Variants in SIPA1L3 observed in about 807,000 individuals in gnomAD.
The protein encoded by SIPA1L3 is signal induced proliferation associated 1 like 3, also known as signal-induced proliferation-associated 1-like protein 3.
SIPA1L3 carries 59 observed loss-of-function variants against 150.1 expected under a neutral mutation model. The observed-to-expected ratio is 0.39, with a 90% confidence interval of 0.32 to 0.49. The LOEUF is 0.49. SIPA1L3 is among the 20% of genes least tolerant of loss of function. The pLI, the probability that SIPA1L3 is intolerant of heterozygous loss-of-function variation, is 0.86. For synonymous variants in SIPA1L3, 1,070 were observed against 1,077.6 expected, an observed-to-expected ratio of 0.99 and a Z score of 0.14; for missense variants, 2,211 against 2,489.5, an observed-to-expected ratio of 0.89 and a Z score of 2.38.
rs557323351 is a variant in SIPA1L3 at position 37,953,299 on chromosome 19, C to T, written c.-379+45941C>T. Among the ~76,000 whole-genome samples, 52 of 152,296 alleles carry T rather than the reference C, an allele frequency of 3.4e-4. 1 individual carries two copies. The highest frequency in any genetic ancestry group is 3.4e-3 in the Middle Eastern group (1 of 294). On this transcript the variant is annotated intron_variant, in intron 1 of 21. Coordinates refer to ENST00000222345, the MANE Select transcript of SIPA1L3 (RefSeq NM_015073.3). ...CCAGCCTTGCACACTGGCCGCTAAACCTGGCGTATCGCATCATGTTTCAGG... is the reference window on the plus strand; with the variant it reads ...CCAGCCTTGCACACTGGCCGCTAAATCTGGCGTATCGCATCATGTTTCAGG...
intron 12 of SIPA1L3, among the ~76,000 whole-genome samples, chr19:38,151,924 T>C (rs1191510607): frequency 7.3e-6 from 1 of 137,528 alleles, no homozygotes; most frequent in Non-Finnish European, 1.5e-5. Flanking sequence ...ATTGTGCCAC[T>C]GCACTCCAGC....
In SIPA1L3 at chr19:38,206,248, G is replaced by GGCC. The variant is rs1179969366; in HGVS notation, c.*15_*17dup. 5.6e-5 allele frequency: 87 copies of GGCC among 1,543,344 alleles called. No homozygotes were observed. Among genetic ancestry groups the GGCC allele is most frequent in the Non-Finnish European group, 7.1e-5 (81 of 1,140,620 alleles). On this transcript the variant is annotated 3_prime_UTR_variant, in exon 22 of 22. Coordinates refer to ENST00000222345, the MANE Select transcript of SIPA1L3 (RefSeq NM_015073.3). ...GAGAAGAAGGAGCTCTGAGGTGGGA[G>GGCC]GCCGCCGCCCGCCTTCGCTCCTTCC...
chr19:38,100,873 G>A (rs1032817157), intron 5 of SIPA1L3, among the ~76,000 whole-genome samples, 179 bp from the exon 6 acceptor site: 1 of 152,238 alleles, frequency 6.6e-6, no homozygotes, highest in Non-Finnish European at 1.5e-5. Flanking sequence ...GGGAGGGGGA[G>A]GGACAACTGG....
intron 1 of SIPA1L3, among the ~76,000 whole-genome samples, chr19:38,003,871 C>G (rs1287726479): frequency 6.6e-6 from 1 of 152,164 alleles, no homozygotes; most frequent in Non-Finnish European, 1.5e-5. Flanking sequence ...GAAGTTGAGT[C>G]AAATCTCTTT....
intron 4 of SIPA1L3, among the ~76,000 whole-genome samples, chr19:38,098,722 A>T (rs185078788): frequency 7.2e-4 from 109 of 152,276 alleles, no homozygotes; most frequent in African/African-American, 2.4e-3. Context: ...AATTCTCCTC[A>T]TATCTCATTG....
intron 2 of SIPA1L3, among the ~76,000 whole-genome samples, chr19:38,071,261 CTA>C (rs1969717437): frequency 6.6e-6 from 1 of 151,748 alleles, no homozygotes; most frequent in Non-Finnish European, 1.5e-5. Flanking sequence ...ATCTATCTAT[CTA>C]TCTGCCTGCC....
chr19:37,956,792 A>C (rs2046815638), intron 1 of SIPA1L3, among the ~76,000 whole-genome samples: 1 of 152,026 alleles, frequency 6.6e-6, no homozygotes, highest in Admixed American at 6.6e-5. Context: ...CCTAATATAA[A>C]AGTTTTTAAT....
chr19:38,081,436 C>A lies in SIPA1L3; in HGVS notation c.-130C>A. On this transcript the variant is annotated 5_prime_UTR_variant, in exon 3 of 22. It adds an upstream start codon to the 5' untranslated region. Coordinates refer to ENST00000222345, the MANE Select transcript of SIPA1L3 (RefSeq NM_015073.3). ...TGGACTCCACAGGCTCACAACCTTC[C>A]TGTCAGGTTTCAGGGCCCAGCATCC... The A allele has an allele frequency of 1.2e-6, 1 of 835,440 alleles. No homozygotes were observed. Among genetic ancestry groups the A allele is most frequent in the Non-Finnish European group, 1.8e-6 (1 of 546,164 alleles). 51.8% of individuals were successfully genotyped at this position (835,440 alleles called of 1,614,324 possible).
At chr19:37,963,622 C>T (rs1226944546) in intron 1 of SIPA1L3, among the ~76,000 whole-genome samples, 3 of 152,208 alleles carry the variant, frequency 2.0e-5, no homozygotes, top group Non-Finnish European at 4.4e-5. Flanking sequence ...ACTTGAAGTT[C>T]AGCGTTTATT....
Position 38,182,651 on chromosome 19 carries a change from C to T in SIPA1L3, c.4341C>T (p.Ser1447=), listed in dbSNP as rs1972581285. The change falls in exon 16 of 22, where the codon TCC becomes TCT. Residue 1447 remains serine (S), a synonymous_variant. Transcript: ENST00000222345. ...LSASVPKSFF[S]KQPVRNKHPT... The stretch of plus-strand genomic sequence containing the variant: ...CCTCCGTCCCCAAGTCCTTCTTCTC[C>T]AAGCAGCCTGTACGCAATAAGCACC... The T allele has an allele frequency of 2.5e-6, 4 of 1,614,220 alleles. No homozygotes were observed. Among genetic ancestry groups the T allele is most frequent in the Non-Finnish European group, 3.4e-6 (4 of 1,180,028 alleles).
intron 8 of SIPA1L3, among the ~76,000 whole-genome samples, chr19:38,112,813 C>T (rs1970796372): frequency 6.6e-6 from 1 of 152,184 alleles, no homozygotes; most frequent in Non-Finnish European, 1.5e-5. Context: ...GACCCTGCCT[C>T]TACCCTGTGG....
intron 1 of SIPA1L3, among the ~76,000 whole-genome samples, chr19:37,961,737 T>C (rs2046860442): frequency 6.6e-6 from 1 of 152,140 alleles, no homozygotes; most frequent in African/African-American, 2.4e-5. Flanking sequence ...CTCATAGGAC[T>C]CCCATTATGT....
At chr19:38,126,391 A>G (rs1016390786) in intron 9 of SIPA1L3, among the ~76,000 whole-genome samples, 3 of 152,206 alleles carry the variant, frequency 2.0e-5, no homozygotes, top group African/African-American at 4.8e-5. Flanking sequence ...AGCTTGTCCA[A>G]CCTGCAGCCC....
intron 1 of SIPA1L3, among the ~76,000 whole-genome samples, chr19:37,969,152 T>C (rs2085098240): frequency 6.6e-6 from 1 of 151,852 alleles, no homozygotes; most frequent in Non-Finnish European, 1.5e-5. Context: ...GAGGATCACT[T>C]GAGCTAGCTG....
chr19:38,114,795 G>T (rs1057445307), intron 8 of SIPA1L3, among the ~76,000 whole-genome samples: 5 of 152,224 alleles, frequency 3.3e-5, no homozygotes, highest in African/African-American at 1.2e-4. Context: ...GGGCATGAAG[G>T]ATCACTAGCC....
chr19:38,164,714 G>A lies in SIPA1L3; in HGVS notation c.4016G>A (p.Gly1339Glu), dbSNP rs776703267. The A allele has an allele frequency of 2.5e-6, 4 of 1,614,088 alleles. No individual in the cohort carries two copies. In the East Asian group the frequency reaches 8.9e-5, roughly 36 times the overall value. ...PRPAKPHKPP[G>E]SMGLCGGGRE... ...CCCGCCAAGCCACACAAGCCCCCTG[G>A]AAGTATGGGCCTTTGTGGCGGGGGT... The change falls in exon 15 of 22, where the codon GGA becomes GAA. Residue 1339 changes from glycine (G) to glutamate (E), a missense_variant. Gly to Glu is a moderately conservative substitution (Grantham distance 98). Transcript: ENST00000222345. This position sits in a 1 kb window ranked among gnomAD's most constrained non-coding sequence, Gnocchi z 4.1.
chr19:38,179,921 C>A (rs1436485368), intron 15 of SIPA1L3, among the ~76,000 whole-genome samples: 1 of 152,110 alleles, frequency 6.6e-6, no homozygotes, highest in Admixed American at 6.6e-5. Context: ...CAGCTCACTG[C>A]AACCTCTGCC....
intron 1 of SIPA1L3, among the ~76,000 whole-genome samples, chr19:37,914,138 G>T (rs1441215929): frequency 6.6e-6 from 1 of 152,060 alleles, no homozygotes; most frequent in Non-Finnish European, 1.5e-5. Context: ...GCAAGATGGC[G>T]GTGGTTACCT....
At chr19:37,991,426 A>G (rs1422365864) in intron 1 of SIPA1L3, among the ~76,000 whole-genome samples, 1 of 152,210 alleles carries the variant, frequency 6.6e-6, no homozygotes, top group African/African-American at 2.4e-5. Context: ...CAGCATGGAA[A>G]GGAGCAGACA....
Sources: gnomAD v4.1 joint callset for allele counts (sites outside exome capture counted in the v4.1 genomes callset) on GRCh38, gnomAD v4.1.1 for gene constraint, Gnocchi (gnomAD v3.1) non-coding constraint, MANE v1.5 for transcripts, NCBI Gene and HGNC (gene_info 2026-07-23, HGNC 2026-07-21) for gene names.